Variants in ALDH1L1 observed in about 807,000 individuals in gnomAD.
The protein encoded by ALDH1L1 is cytosolic 10-formyltetrahydrofolate dehydrogenase.
A neutral mutation model predicts 101.1 loss-of-function variants in ALDH1L1; 68 were observed. The ratio of observed to expected loss-of-function variants is 0.67; its 90% CI spans 0.55 to 0.82. The LOEUF (loss-of-function observed/expected upper bound fraction) is 0.82. Among genes scored for constraint, ALDH1L1 ranks in the 40% least tolerant of loss-of-function variants. ALDH1L1 has a pLI of 0.00. For synonymous variants in ALDH1L1, 486 were observed against 470.8 expected, an observed-to-expected ratio of 1.03 and a Z score of -0.42; for missense variants, 1,087 against 1,172.7, an observed-to-expected ratio of 0.93 and a Z score of 1.07.
chr3:126,183,441 C>T (rs112944718), upstream of ALDH1L1, among the ~76,000 whole-genome samples: 275 of 152,178 alleles, frequency 1.8e-3, no homozygotes, highest in Middle Eastern at 6.8e-3. Flanking sequence ...AGAAACTATA[C>T]GGATATGAAC....
At chr3:126,161,337 T>C (rs756570919) in intron 1 of ALDH1L1, among the ~76,000 whole-genome samples, 2 of 152,252 alleles carry the variant, frequency 1.3e-5, no homozygotes, top group Non-Finnish European at 2.9e-5. Context: ...TTTGAGCATA[T>C]TTCTGTAACT....
chr3:126,125,237 G>A (rs2080157806), intron 15 of ALDH1L1, among the ~76,000 whole-genome samples: 1 of 152,210 alleles, frequency 6.6e-6, no homozygotes, highest in African/African-American at 2.4e-5. Flanking sequence ...TTCTGGTCTC[G>A]GAAGCCACAT....
chr3:126,195,164 T>C (rs1187906108), intron 1 of ALDH1L1, among the ~76,000 whole-genome samples: 4 of 152,146 alleles, frequency 2.6e-5, no homozygotes, highest in Admixed American at 2.0e-4. Context: ...TTGAACAATT[T>C]CAAAAGTCAA....
chr3:126,108,475 C>G (rs1048150757), intron 20 of ALDH1L1, among the ~76,000 whole-genome samples: 1 of 152,266 alleles, frequency 6.6e-6, no homozygotes, highest in African/African-American at 2.4e-5. Flanking sequence ...TTCCACCAAT[C>G]CTGAACCCGG....
chr3:126,117,440 A>G (rs1209857712), intron 17 of ALDH1L1, among the ~76,000 whole-genome samples: 1 of 152,004 alleles, frequency 6.6e-6, no homozygotes, highest in Non-Finnish European at 1.5e-5. Context: ...GGATTGCTTG[A>G]GCCCAGGAGT....
chr3:126,184,558 C>G (rs982732930), upstream of ALDH1L1, among the ~76,000 whole-genome samples: 2 of 152,162 alleles, frequency 1.3e-5, no homozygotes, highest in South Asian at 4.1e-4. Context: ...AGCCTCTGCC[C>G]GGGCTTTCCG....
intron 1 of ALDH1L1, among the ~76,000 whole-genome samples, chr3:126,178,136 C>T (rs982270587): frequency 6.6e-5 from 10 of 152,144 alleles, no homozygotes; most frequent in Admixed American, 2.6e-4. Context: ...AATCCCAGCA[C>T]TTTGGGAGGC....
chr3:126,185,732 T>A (rs2081513552), upstream of ALDH1L1, among the ~76,000 whole-genome samples: 1 of 152,142 alleles, frequency 6.6e-6, no homozygotes, highest in South Asian at 2.1e-4. Context: ...GGTAACAAGA[T>A]GTTCTGATTT....
chr3:126,136,630 T>C (rs2080451067), intron 11 of ALDH1L1, 134 bp downstream of exon 11: 1 of 1,395,282 alleles, frequency 7.2e-7, no homozygotes, highest in African/African-American at 1.4e-5. Context: ...CCTGGCATTC[T>C]TTCCCGTCCC....
intron 9 of ALDH1L1, among the ~76,000 whole-genome samples, chr3:126,142,862 G>A (rs2080593582): frequency 6.6e-6 from 1 of 152,100 alleles, no homozygotes; most frequent in African/African-American, 2.4e-5. Flanking sequence ...CGGGGGTTGG[G>A]GTTGTTCCAA....
chr3:126,145,808 T>C (rs1195877195), intron 9 of ALDH1L1, among the ~76,000 whole-genome samples: 1 of 152,208 alleles, frequency 6.6e-6, no homozygotes. Context: ...TTTAAGAAGG[T>C]AGATGTTGTA....
chr3:126,105,164 T>C (rs1168459731), intron 22 of ALDH1L1: 2 of 183,132 alleles, frequency 1.1e-5, no homozygotes, highest in East Asian at 2.5e-4. Flanking sequence ...GCAACACCCG[T>C]GGTGTTCACC....
At chr3:126,146,807 G>A (rs1179369591) in intron 9 of ALDH1L1, 28 bp downstream of exon 9, 1 of 1,610,070 alleles carries the variant, frequency 6.2e-7, no homozygotes, top group African/African-American at 1.3e-5. Flanking sequence ...AAGTACCTGG[G>A]ACAGGACCCC....
intron 12 of ALDH1L1, among the ~76,000 whole-genome samples, chr3:126,132,786 T>C (rs1458539707): frequency 7.2e-6 from 1 of 138,418 alleles, no homozygotes; most frequent in Non-Finnish European, 1.5e-5. Flanking sequence ...AGGTAGATGA[T>C]AATTTCATCA....
intron 1 of ALDH1L1, among the ~76,000 whole-genome samples, chr3:126,171,184 T>G (rs578097195): frequency 7.2e-5 from 11 of 152,152 alleles, no homozygotes; most frequent in South Asian, 2.1e-4. Flanking sequence ...TGTAGTCCCA[T>G]CTACTCAGGA....
At position 126,154,553 on chromosome 3, in the gene ALDH1L1, C is replaced by T. The variant is rs1230896942; in HGVS notation, c.720+1G>A. On this transcript the variant is annotated splice_donor_variant, in intron 6 of 22. Coordinates refer to ENST00000393434, the MANE Select transcript of ALDH1L1 (RefSeq NM_012190.4). LOFTEE classifies it high-confidence loss of function. The stretch of plus-strand genomic sequence containing the variant: ...TGGATTCCAGCCATGCAGGGACACA[C>T]CTGTTCACAGGCCTCTGTCCAGGCT... The T allele has an allele frequency of 2.5e-6, 4 of 1,614,048 alleles. No individual in the cohort carries two copies. The highest frequency in any genetic ancestry group is 3.4e-6 in the Non-Finnish European group (4 of 1,179,992).
At chr3:126,180,302 G>A (rs2108345914) in intron 1 of ALDH1L1, 174 bp downstream of exon 1, 2 of 304,028 alleles carry the variant, frequency 6.6e-6, no homozygotes, top group East Asian at 3.5e-4. Flanking sequence ...AAAGAACTCC[G>A]GACCCGTACC....
At chr3:126,153,378 C>T (rs1182594476) in intron 7 of ALDH1L1, 66 bp downstream of exon 7, 2 of 1,604,248 alleles carry the variant, frequency 1.2e-6, no homozygotes, top group Admixed American at 3.3e-5. Flanking sequence ...TCCTGTGAGG[C>T]CTGAGTCCAA....
chr3:126,114,680 G>A, intron 17 of ALDH1L1, 24 bp from the exon 18 acceptor site: 1 of 1,548,610 alleles, frequency 6.5e-7, no homozygotes, highest in Non-Finnish European at 8.7e-7. Flanking sequence ...AGGGCTGGTG[G>A]GGCCGGTCCC....
Sources: allele counts gnomAD v4.1 joint callset (sites outside exome capture counted in the v4.1 genomes callset), GRCh38; gene constraint gnomAD v4.1.1; transcripts MANE v1.5; gene names NCBI Gene and HGNC (gene_info 2026-07-23, HGNC 2026-07-21).